Variants in NPAS3 observed in about 807,000 individuals in gnomAD.
NPAS3 encodes the protein neuronal PAS domain protein 3, also known as neuronal PAS domain-containing protein 3.
In NPAS3, 14 loss-of-function variants were observed where a neutral mutation model predicts 73.1. The observed-to-expected ratio is 0.19, with a 90% confidence interval of 0.13 to 0.30. The LOEUF (loss-of-function observed/expected upper bound fraction) is 0.30, where lower values mean the gene tolerates loss of function less well. Among genes scored for constraint, NPAS3 ranks in the 10% least tolerant of loss-of-function variants. The probability of loss-of-function intolerance (pLI) is 1.00; values close to 1 mark genes in which losing one functional copy is unlikely to be tolerated. For synonymous variants in NPAS3, 620 were observed against 541.5 expected (o/e 1.14, Z -2.01); for missense variants, 1,096 against 1,250.0 (o/e 0.88, Z 1.86).
At chr14:33,400,425 A>G (rs2047398009) in intron 4 of NPAS3, among the ~76,000 whole-genome samples, 1 of 152,182 alleles carries the variant, frequency 6.6e-6, no homozygotes, top group Admixed American at 6.6e-5. Context: ...AGAGAGAAAG[A>G]GTAAAAAAAT....
At chr14:33,735,230 C>A in exon 7 of NPAS3, 2 of 1,613,310 alleles carry the variant, frequency 1.2e-6, no homozygotes, top group Non-Finnish European at 1.7e-6. Flanking sequence ...CAACCAGCCC[C>A]AGTCTGCTAA....
chr14:33,580,194 G>A (rs2056607394), intron 5 of NPAS3, among the ~76,000 whole-genome samples: 1 of 151,966 alleles, frequency 6.6e-6, no homozygotes, highest in Non-Finnish European at 1.5e-5. Flanking sequence ...AATGCTGAAT[G>A]GGCTTACATA....
chr14:33,455,543 C>CAAA (rs1444967838), intron 4 of NPAS3, among the ~76,000 whole-genome samples: 4 of 152,186 alleles, frequency 2.6e-5, no homozygotes, highest in Admixed American at 6.5e-5. Flanking sequence ...GAGAAACTAC[C>CAAA]AAGAAAAAAC....
intron 1 of NPAS3, among the ~76,000 whole-genome samples, chr14:32,979,639 G>A (rs978638508): frequency 2.3e-4 from 35 of 152,144 alleles, no homozygotes; most frequent in African/African-American, 7.5e-4. Context: ...CCTGAGGGCT[G>A]CAATATAGTA....
At chr14:32,965,873 A>G (rs1209281299) in intron 1 of NPAS3, among the ~76,000 whole-genome samples, 1 of 152,224 alleles carries the variant, frequency 6.6e-6, no homozygotes, top group Non-Finnish European at 1.5e-5. Flanking sequence ...ATTGCAGGAT[A>G]TAAAATCAAT....
At chr14:33,499,990 G>A (rs1168055337) in intron 4 of NPAS3, among the ~76,000 whole-genome samples, 3 of 151,870 alleles carry the variant, frequency 2.0e-5, no homozygotes, top group Non-Finnish European at 4.4e-5. Flanking sequence ...GGAATCAAGG[G>A]TTCATTGCAT....
At chr14:33,531,563 T>C (rs2054045821) in intron 4 of NPAS3, among the ~76,000 whole-genome samples, 1 of 152,096 alleles carries the variant, frequency 6.6e-6, no homozygotes, top group South Asian at 2.1e-4. Context: ...GTACCACAGT[T>C]TTTCTGTTCA....
chr14:33,306,825 T>C (rs990793067), intron 3 of NPAS3, among the ~76,000 whole-genome samples: 1 of 152,162 alleles, frequency 6.6e-6, no homozygotes, highest in Non-Finnish European at 1.5e-5. Flanking sequence ...TCATTCTGAT[T>C]TGGCAAAACT....
chr14:33,565,307 A>C (rs189004098), intron 5 of NPAS3, among the ~76,000 whole-genome samples: 1 of 152,262 alleles, frequency 6.6e-6, no homozygotes, highest in Non-Finnish European at 1.5e-5. Context: ...GCTACAGCAC[A>C]CAAGTACAAG....
At chr14:33,271,089 G>A (rs2041054567) in intron 3 of NPAS3, among the ~76,000 whole-genome samples, 1 of 152,176 alleles carries the variant, frequency 6.6e-6, no homozygotes, top group Non-Finnish European at 1.5e-5. Context: ...GTGTGCTTAG[G>A]TTCAACAAAG....
chr14:33,214,064 A>G (rs1443087394), intron 2 of NPAS3: 1 of 152,218 alleles, frequency 6.6e-6, no homozygotes, highest in Non-Finnish European at 1.5e-5. Context: ...TCATAATGAA[A>G]AAAAAGAATG....
intron 4 of NPAS3, among the ~76,000 whole-genome samples, chr14:33,471,800 C>G (rs1298347186): frequency 6.6e-6 from 1 of 152,222 alleles, no homozygotes; most frequent in African/African-American, 2.4e-5. Flanking sequence ...AGGAACTGGG[C>G]TGCACAACAG....
At chr14:33,534,850 G>T (rs1024421253) in intron 4 of NPAS3, among the ~76,000 whole-genome samples, 4 of 152,100 alleles carry the variant, frequency 2.6e-5, no homozygotes, top group African/African-American at 9.7e-5. Flanking sequence ...CAGTGGAATG[G>T]GGGAATCCCT....
At chr14:33,033,960 A>T (rs2040080049) in intron 1 of NPAS3, among the ~76,000 whole-genome samples, 2 of 152,358 alleles carry the variant, frequency 1.3e-5, no homozygotes, top group Admixed American at 1.3e-4. Flanking sequence ...ATTTGAAAAC[A>T]CAATATCAAA....
At chr14:33,429,950 G>A (rs1177333752) in intron 4 of NPAS3, among the ~76,000 whole-genome samples, 1 of 152,134 alleles carries the variant, frequency 6.6e-6, no homozygotes, top group Non-Finnish European at 1.5e-5. Flanking sequence ...GTGAAGCTCA[G>A]GATTCTCTGC....
chr14:33,271,214 C>T (rs984519894), intron 3 of NPAS3, among the ~76,000 whole-genome samples: 4 of 152,198 alleles, frequency 2.6e-5, no homozygotes, highest in African/African-American at 4.8e-5. Context: ...CTTGGCCTCT[C>T]TGTGCAGCAT....
chr14:33,240,810 T>C (rs910868909), intron 3 of NPAS3, among the ~76,000 whole-genome samples: 2 of 151,978 alleles, frequency 1.3e-5, no homozygotes, highest in Non-Finnish European at 2.9e-5. Context: ...TACAGCCTTT[T>C]AATTTACTGA....
chr14:33,388,977 T>C (rs1249607053), intron 4 of NPAS3, among the ~76,000 whole-genome samples: 1 of 152,032 alleles, frequency 6.6e-6, no homozygotes, highest in East Asian at 1.9e-4. Context: ...TAACATGTTG[T>C]TCCCTTCTCA....
intron 3 of NPAS3, among the ~76,000 whole-genome samples, chr14:33,343,580 G>A (rs1000914196): frequency 1.3e-5 from 2 of 152,050 alleles, no homozygotes; most frequent in African/African-American, 4.8e-5. Flanking sequence ...CTCAAACCTG[G>A]AATGCTTCTG....
Sources: allele counts gnomAD v4.1 joint callset (sites outside exome capture counted in the v4.1 genomes callset), GRCh38; gene constraint gnomAD v4.1.1; transcripts MANE v1.5; gene names NCBI Gene and HGNC (gene_info 2026-07-23, HGNC 2026-07-21).